Variants in ATP6V1C2 observed in about 807,000 individuals in gnomAD.
ATP6V1C2 encodes the protein V-type proton ATPase subunit C 2.
In ATP6V1C2, 45 loss-of-function variants were observed where a neutral mutation model predicts 56.8. That is an observed-to-expected ratio of 0.79 (90% CI 0.62 to 1.02). ATP6V1C2 has a LOEUF of 1.02. Ranked by LOEUF, ATP6V1C2 falls within the 50% of genes least tolerant of loss-of-function variation. The pLI is 0.00. For missense variants in ATP6V1C2, 463 were observed against 519.7 expected (o/e 0.89, Z 1.06); for synonymous variants, 220 against 201.3 (o/e 1.09, Z -0.79).
At chr2:10,744,467 G>A (rs1322644814) in intron 3 of ATP6V1C2, among the ~76,000 whole-genome samples, 1 of 152,134 alleles carries the variant, frequency 6.6e-6, no homozygotes, top group Non-Finnish European at 1.5e-5. Flanking sequence ...ATTTGTTGAT[G>A]CTCTTCTGTG....
rs1294439882 is a variant in ATP6V1C2, at chr2:10,764,421, C to T, written c.374C>T (p.Ala125Val). Reference sequence around the variant, plus strand: ...CTCGTGAGTGTGGTGGACACAATAGCCAAGGTGAGAAAAGGGACTGCTCTG... The same window carrying T: ...CTCGTGAGTGTGGTGGACACAATAGTCAAGGTGAGAAAAGGGACTGCTCTG... ...QPLVSVVDTI[A>V]KQLAQIEMDL... The change falls in exon 5 of 14, where the codon GCC becomes GTC. Residue 125 changes from alanine (A) to valine (V), a missense_variant. Transcript: ENST00000272238. 9 of 1,613,700 alleles carry T rather than the reference C, an allele frequency of 5.6e-6. No individual in the cohort carries two copies. The East Asian group carries it at 1.1e-4, about 20-fold the overall frequency.
Position 10,783,280 on chromosome 2 carries a change from CTCTG to C in ATP6V1C2, c.*21_*24del. ...CTTGACTAGAAAGGCCAGCTGGCAC[CTCTG>C]TCTCATGTTCGTGCAGATTATTACA... is the stretch of plus-strand genomic sequence containing the variant. On this transcript the variant is annotated 3_prime_UTR_variant, in exon 14 of 14. Coordinates refer to ENST00000272238, the MANE Select transcript of ATP6V1C2 (RefSeq NM_001039362.2). 1 of 1,552,818 alleles carries C rather than the reference CTCTG, an allele frequency of 6.4e-7. No individual in the cohort carries two copies. The highest frequency in any genetic ancestry group is 8.9e-7 in the Non-Finnish European group (1 of 1,124,370).
At chr2:10,745,045 T>C (rs200408802) in intron 3 of ATP6V1C2, among the ~76,000 whole-genome samples, 5 of 146,422 alleles carry the variant, frequency 3.4e-5, no homozygotes, top group South Asian at 2.2e-4. Flanking sequence ...TATTTTCTTT[T>C]TTTTTTTTTT....
rs192139655 is a variant in ATP6V1C2 at position 10,781,418 on chromosome 2, C to T, written c.1062-825C>T. Among the ~76,000 whole-genome samples, 352 of 152,008 alleles carry T rather than the reference C, an allele frequency of 2.3e-3. 5 individuals carry two copies. Among genetic ancestry groups the T allele is most frequent in the Admixed American group, 5.6e-3 (85 of 15,262 alleles). The stretch of plus-strand genomic sequence containing the variant: ...GGTTGAACCCAGGAAGTGGAGGCTG[C>T]AGTGAGCCGAGATCGCACCATTGCA... On this transcript the variant is annotated intron_variant, in intron 12 of 13. Transcript: ENST00000272238.
Position 10,781,192 on chromosome 2 carries a change from C to T in ATP6V1C2, c.1062-1051C>T, listed in dbSNP as rs573569930. 4.4e-4 allele frequency among the ~76,000 whole-genome samples: 67 copies of T among 152,272 alleles called. 1 individual carries two copies. In the South Asian group the frequency reaches 8.3e-3, roughly 19 times the overall value. On this transcript the variant is annotated intron_variant, in intron 12 of 13. Transcript: ENST00000272238. ...TTAAGGACCTAGGGTGCCTACCACC[C>T]ACCACAGCGAGCACAACAGAGGCAG...
intron 3 of ATP6V1C2, among the ~76,000 whole-genome samples, chr2:10,752,617 G>A (rs1336252657): frequency 1.3e-5 from 2 of 152,188 alleles, no homozygotes; most frequent in African/African-American, 4.8e-5. Context: ...GATTGGTTAT[G>A]TCAATATTCA....
At chr2:10,775,171 C>T (rs2148507493) in intron 10 of ATP6V1C2, 100 bp downstream of exon 10, 1 of 901,748 alleles carries the variant, frequency 1.1e-6, no homozygotes. Context: ...CTCTCATTGT[C>T]CCCAGGCTCC....
At position 10,783,398 on chromosome 2, in the gene ATP6V1C2, C is replaced by G; in HGVS notation, c.*135C>G. On this transcript the variant is annotated 3_prime_UTR_variant, in exon 14 of 14. Coordinates refer to ENST00000272238, the MANE Select transcript of ATP6V1C2 (RefSeq NM_001039362.2). Reference sequence around the variant, plus strand: ...AGAAATTGCTCACAAAAGTTAGTGACAGTTGTATTTATTTTTTTAAGTTAC... The same window carrying G: ...AGAAATTGCTCACAAAAGTTAGTGAGAGTTGTATTTATTTTTTTAAGTTAC... 3 of 549,316 alleles carry G rather than the reference C, an allele frequency of 5.5e-6. No homozygotes were observed. Among genetic ancestry groups the G allele is most frequent in the Non-Finnish European group, 9.5e-6 (3 of 314,438 alleles). The allele number at this position is 549,316 out of a possible 1,614,324, so 34.0% of individuals were successfully genotyped here. A position where few individuals can be genotyped will look rare whatever the true frequency, so the allele number is the denominator to read the frequency against.
chr2:10,758,376 C>T (rs1040537223), intron 4 of ATP6V1C2, among the ~76,000 whole-genome samples: 1 of 152,164 alleles, frequency 6.6e-6, no homozygotes, highest in African/African-American at 2.4e-5. Context: ...AATTCAGCTT[C>T]ATTTGTTGAA....
At chr2:10,781,970 G>A (rs1326930428) in intron 12 of ATP6V1C2, among the ~76,000 whole-genome samples, 1 of 152,212 alleles carries the variant, frequency 6.6e-6, no homozygotes, top group Non-Finnish European at 1.5e-5. Context: ...CATTCAACTT[G>A]AGCATGCACC....
chr2:10,727,548 C>A (rs1212581263), intron 3 of ATP6V1C2, among the ~76,000 whole-genome samples: 4 of 150,960 alleles, frequency 2.6e-5, no homozygotes, highest in Admixed American at 1.3e-4. Context: ...AGAGTGAGAC[C>A]CCATCTCAAA....
intron 2 of ATP6V1C2, among the ~76,000 whole-genome samples, chr2:10,724,803 G>A (rs1661551071): frequency 6.6e-6 from 1 of 151,768 alleles, no homozygotes; most frequent in Non-Finnish European, 1.5e-5. Flanking sequence ...CTCCCCAGTA[G>A]CTGGGATTAC....
intron 3 of ATP6V1C2, among the ~76,000 whole-genome samples, chr2:10,731,920 C>A (rs1661971292): frequency 6.6e-6 from 1 of 151,840 alleles, no homozygotes; most frequent in South Asian, 2.1e-4. Context: ...CTGCAGTGAG[C>A]AGAGATCACA....
At chr2:10,734,741 C>G (rs1291994293) in intron 3 of ATP6V1C2, among the ~76,000 whole-genome samples, 1 of 152,174 alleles carries the variant, frequency 6.6e-6, no homozygotes, top group African/African-American at 2.4e-5. Flanking sequence ...CACGATGCTT[C>G]CAGCTCGGAG....
rs147651089 is a variant in ATP6V1C2, at chr2:10,722,939, C to T, written c.90C>T (p.Asn30=). 6.2e-7 allele frequency: 1 copy of T among 1,614,070 alleles called. No individual in the cohort carries two copies. The highest frequency in any genetic ancestry group is 1.7e-5 in the Admixed American group (1 of 59,992). ...ERMNTVTSKS[N]LSYNTKFAIP... ...TGAATACTGTAACCTCCAAGTCCAACCTGTCTTATAATACCAAATTCGCTA... is the reference window on the plus strand; with the variant it reads ...TGAATACTGTAACCTCCAAGTCCAATCTGTCTTATAATACCAAATTCGCTA... Residue 30 remains asparagine (N), a synonymous_variant, in exon 2 of 14, where the codon AAC becomes AAT. Coordinates refer to ENST00000272238, the MANE Select transcript of ATP6V1C2 (RefSeq NM_001039362.2).
At chr2:10,747,144 T>C (rs1485409719) in intron 3 of ATP6V1C2, among the ~76,000 whole-genome samples, 1 of 152,088 alleles carries the variant, frequency 6.6e-6, no homozygotes, top group African/African-American at 2.4e-5. Context: ...GGTGCATGCC[T>C]GTAATCCCAG....
intron 3 of ATP6V1C2, among the ~76,000 whole-genome samples, chr2:10,745,238 A>C (rs894040879): frequency 6.6e-6 from 1 of 150,538 alleles, no homozygotes; most frequent in Non-Finnish European, 1.5e-5. Flanking sequence ...GGGTTTCACC[A>C]TGTTGGCCAG....
Position 10,763,868 on chromosome 2 carries a change from G to T in ATP6V1C2, c.284-463G>T, listed in dbSNP as rs1021240775. Reference sequence around the variant, plus strand: ...TGCTTCTTTCTGACTTCAATTCTGGGGCTCTCTCCACCCCACACCTGGTTA... The same window carrying T: ...TGCTTCTTTCTGACTTCAATTCTGGTGCTCTCTCCACCCCACACCTGGTTA... On this transcript the variant is annotated intron_variant, in intron 4 of 13. Transcript: ENST00000272238. This position sits in a 1 kb window ranked among gnomAD's most constrained non-coding sequence, Gnocchi z 4.2. 3.3e-5 allele frequency among the ~76,000 whole-genome samples: 5 copies of T among 152,090 alleles called. No individual in the cohort carries two copies. Among genetic ancestry groups the T allele is most frequent in the African/African-American group, 1.2e-4 (5 of 41,406 alleles).
intron 4 of ATP6V1C2, among the ~76,000 whole-genome samples, chr2:10,762,732 G>A (rs112822582): frequency 0.019 from 2,849 of 151,954 alleles, 80 homozygotes; most frequent in African/African-American, 0.064. Context: ...ATGGCTGCCC[G>A]GCTTAGAGCA....
Sources: gnomAD v4.1 joint callset for allele counts (sites outside exome capture counted in the v4.1 genomes callset) on GRCh38, gnomAD v4.1.1 for gene constraint, Gnocchi (gnomAD v3.1) non-coding constraint, MANE v1.5 for transcripts, NCBI Gene and HGNC (gene_info 2026-07-23, HGNC 2026-07-21) for gene names.